CDYL: variants seen among roughly 807,000 people sequenced by gnomAD.
CDYL encodes chromodomain Y like.
In CDYL, 8 loss-of-function variants were observed where a neutral mutation model predicts 47.3. The observed-to-expected ratio is 0.17, with a 90% CI of 0.10 to 0.31. The LOEUF (loss-of-function observed/expected upper bound fraction) is 0.31, where lower values mean the gene tolerates loss of function less well. Among genes scored for constraint, CDYL ranks in the 10% least tolerant of loss-of-function variants. The pLI, the probability that CDYL is intolerant of heterozygous loss-of-function variation, is 1.00. For synonymous variants in CDYL, 266 were observed against 265.0 expected (o/e 1.00, Z -0.04); for missense variants, 471 against 701.4 (o/e 0.67, Z 3.71).
At chr6:4,793,658 A>G (rs1423635564) in intron 1 of CDYL, among the ~76,000 whole-genome samples, 1 of 152,190 alleles carries the variant, frequency 6.6e-6, no homozygotes, top group Non-Finnish European at 1.5e-5. Context: ...CGGGAGACCA[A>G]CTAGGAGGCT....
chr6:4,793,790 A>G (rs1160318603), intron 1 of CDYL, among the ~76,000 whole-genome samples: 2 of 152,140 alleles, frequency 1.3e-5, no homozygotes, highest in Admixed American at 6.5e-5. Flanking sequence ...GGATTTACCC[A>G]TGGATGGATA....
At chr6:4,764,435 G>A (rs369388709) in intron 3 of CDYL, among the ~76,000 whole-genome samples, 3 of 151,940 alleles carry the variant, frequency 2.0e-5, no homozygotes, top group African/African-American at 4.8e-5. Flanking sequence ...GATTACAGGC[G>A]CACACCCCCA....
At chr6:4,782,437 G>A (rs1758641897) in intron 1 of CDYL, among the ~76,000 whole-genome samples, 1 of 152,072 alleles carries the variant, frequency 6.6e-6, no homozygotes, top group South Asian at 2.1e-4. Flanking sequence ...TAAGCATTAT[G>A]CCTCTTGCTG....
At chr6:4,725,738 C>A (rs1455303999) in intron 2 of CDYL, among the ~76,000 whole-genome samples, 1 of 152,250 alleles carries the variant, frequency 6.6e-6, no homozygotes, top group Non-Finnish European at 1.5e-5. Flanking sequence ...TTGGCCAGCC[C>A]AGAAAGGGGC....
At chr6:4,769,567 T>C (rs1758305600) in intron 3 of CDYL, among the ~76,000 whole-genome samples, 2 of 152,328 alleles carry the variant, frequency 1.3e-5, no homozygotes, top group South Asian at 4.1e-4. Flanking sequence ...AAAGTCAAAA[T>C]GTTGATCTCT....
At chr6:4,777,173 G>C (rs1036574218) in intron 1 of CDYL, among the ~76,000 whole-genome samples, 1 of 150,348 alleles carries the variant, frequency 6.7e-6, no homozygotes, top group African/African-American at 2.5e-5. Context: ...TGGGGTGTGG[G>C]GGGGTTTCTG....
At chr6:4,953,870 C>A (rs760940443) in intron 6 of CDYL, 28 bp from the exon 7 acceptor site, 22 of 1,606,586 alleles carry the variant, frequency 1.4e-5, no homozygotes, top group Non-Finnish European at 1.4e-5. Flanking sequence ...ATGCACCCTG[C>A]TAACTGGCTG....
chr6:4,754,959 T>G (rs1490484150), intron 3 of CDYL, among the ~76,000 whole-genome samples: 1 of 152,170 alleles, frequency 6.6e-6, no homozygotes, highest in Non-Finnish European at 1.5e-5. Flanking sequence ...ATGACCCCTT[T>G]CTTGAATTCT....
chr6:4,898,539 G>T (rs1253456190), intron 2 of CDYL, among the ~76,000 whole-genome samples: 1 of 152,130 alleles, frequency 6.6e-6, no homozygotes, highest in Non-Finnish European at 1.5e-5. Context: ...CAAACGAGAG[G>T]GGAGTAGTCC....
chr6:4,900,774 C>CGTGTGTGT (rs368919776), intron 2 of CDYL, among the ~76,000 whole-genome samples: 894 of 26,790 alleles, frequency 0.033, 101 homozygotes, highest in East Asian at 0.06. Flanking sequence ...ATTCCGTATA[C>CGTGTGTGT]GTGTGTATAT....
At chr6:4,913,200 C>T (rs1170205159) in intron 2 of CDYL, among the ~76,000 whole-genome samples, 1 of 152,180 alleles carries the variant, frequency 6.6e-6, no homozygotes, top group Non-Finnish European at 1.5e-5. Flanking sequence ...GCTCGAAATT[C>T]GAGCCAAGGA....
intron 1 of CDYL, among the ~76,000 whole-genome samples, chr6:4,870,477 T>A (rs1358148264): frequency 6.6e-6 from 1 of 152,226 alleles, no homozygotes; most frequent in Non-Finnish European, 1.5e-5. Context: ...AATATATGTC[T>A]AAGAATCTCT....
intron 1 of CDYL, among the ~76,000 whole-genome samples, chr6:4,873,661 A>C (rs145949898): frequency 6.6e-6 from 1 of 152,338 alleles, no homozygotes; most frequent in East Asian, 1.9e-4. Flanking sequence ...TGACTGTCAG[A>C]AATTTCTGTA....
chr6:4,714,141 G>A (rs1459525869), intron 1 of CDYL: 1 of 151,772 alleles, frequency 6.6e-6, no homozygotes, highest in African/African-American at 2.4e-5. Flanking sequence ...GGGAGGTTTG[G>A]GGCCAGGATC....
At chr6:4,869,110 TTTC>T (rs1207671554) in intron 1 of CDYL, among the ~76,000 whole-genome samples, 1 of 151,106 alleles carries the variant, frequency 6.6e-6, no homozygotes, top group African/African-American at 2.5e-5. Flanking sequence ...TTTTTTTTTT[TTTC>T]GAGACGGAGT....
chr6:4,895,104 T>C (rs1209215099), intron 2 of CDYL, among the ~76,000 whole-genome samples: 3 of 151,424 alleles, frequency 2.0e-5, no homozygotes, highest in South Asian at 2.1e-4. Context: ...CATGTGTGTA[T>C]ATGTATCTAT....
chr6:4,769,941 C>T lies in CDYL; in HGVS notation c.186+35097C>T, dbSNP rs111723617. On this transcript the variant is annotated intron_variant, in intron 3 of 8. Transcript: ENST00000328908. ...CCTCCCAAGTAGCGGGGACTACAGG[C>T]GACCGCCACCACGCCCGGCTAATTT... is the stretch of plus-strand genomic sequence containing the variant. Among the ~76,000 whole-genome samples, 706 of 151,328 alleles carry T rather than the reference C, an allele frequency of 4.7e-3. 6 individuals carry two copies. Among genetic ancestry groups the T allele is most frequent in the African/African-American group, 0.015 (618 of 41,098 alleles).
chr6:4,829,343 C>T (rs998181330), intron 1 of CDYL, among the ~76,000 whole-genome samples: 3 of 152,230 alleles, frequency 2.0e-5, no homozygotes, highest in Admixed American at 2.0e-4. Flanking sequence ...GCCTCTGTTC[C>T]TCAGATTGTG....
intron 1 of CDYL, among the ~76,000 whole-genome samples, chr6:4,790,583 A>G (rs1242499982): frequency 6.6e-6 from 1 of 152,208 alleles, no homozygotes; most frequent in Admixed American, 6.5e-5. Flanking sequence ...CACAGAGCAG[A>G]CTTGACTAAA....
Sources: gnomAD v4.1 joint callset for allele counts (sites outside exome capture counted in the v4.1 genomes callset) on GRCh38, gnomAD v4.1.1 for gene constraint, MANE v1.5 for transcripts, NCBI Gene and HGNC (gene_info 2026-07-23, HGNC 2026-07-21) for gene names.